SEPTIN9: variants seen among roughly 807,000 people sequenced by gnomAD.
The protein encoded by SEPTIN9 is septin-9.
A neutral mutation model predicts 56.6 loss-of-function variants in SEPTIN9; 13 were observed. That is an observed-to-expected ratio of 0.23 (90% CI 0.15 to 0.37). The LOEUF (loss-of-function observed/expected upper bound fraction) is 0.37. Ranked by LOEUF, SEPTIN9 falls within the 10% of genes least tolerant of loss-of-function variation. The pLI, the probability that SEPTIN9 is intolerant of heterozygous loss-of-function variation, is 1.00. For missense variants in SEPTIN9, 650 were observed against 823.1 expected (o/e 0.79, Z 2.57); for synonymous variants, 332 against 334.1 (o/e 0.99, Z 0.07).
At chr17:77,427,307 G>A (rs2036949707) in intron 3 of SEPTIN9, 1 of 152,312 alleles carries the variant, frequency 6.6e-6, no homozygotes. Context: ...GCTTCTGGGG[G>A]ACTAACCCAG....
Position 77,405,133 on chromosome 17 carries a change from G to C in SEPTIN9, c.721+2430G>C. On this transcript the variant is annotated intron_variant, in intron 3 of 11. Transcript: ENST00000427177. This position sits in a 1 kb window ranked among gnomAD's most constrained non-coding sequence, Gnocchi z 5.8. ...GCACAGGGACGTGGTCCTGGCTCTGGGGGACAGGTAGGGGGATGTCCATGG... is the reference window on the plus strand; with the variant it reads ...GCACAGGGACGTGGTCCTGGCTCTGCGGGACAGGTAGGGGGATGTCCATGG... 6.5e-7 allele frequency: 1 copy of C among 1,535,212 alleles called. No individual in the cohort carries two copies. The highest frequency in any genetic ancestry group is 8.7e-7 in the Non-Finnish European group (1 of 1,146,502).
At chr17:77,357,676 G>A (rs376444551) in intron 2 of SEPTIN9, among the ~76,000 whole-genome samples, 1 of 151,960 alleles carries the variant, frequency 6.6e-6, no homozygotes, top group South Asian at 2.1e-4. Context: ...GTGCGGTGGT[G>A]CAGTCATAGC....
intron 2 of SEPTIN9, among the ~76,000 whole-genome samples, chr17:77,314,159 G>A (rs2143627222): frequency 6.6e-6 from 1 of 151,332 alleles, no homozygotes; most frequent in Admixed American, 6.6e-5. Context: ...AAGGGAGTAA[G>A]GCCCTGTTTC....
intron 2 of SEPTIN9, among the ~76,000 whole-genome samples, chr17:77,355,886 G>T (rs2034217461): frequency 1.3e-5 from 2 of 150,904 alleles, no homozygotes; most frequent in Non-Finnish European, 2.9e-5. Context: ...GGAGGCTGAG[G>T]CAGGAGAATG....
chr17:77,356,248 A>T (rs1361012584), intron 2 of SEPTIN9, among the ~76,000 whole-genome samples: 1 of 152,122 alleles, frequency 6.6e-6, no homozygotes, highest in East Asian at 1.9e-4. Flanking sequence ...AGGCTTCCTA[A>T]GCAGCTCTGG....
At chr17:77,295,328 T>C (rs1222765520) in intron 1 of SEPTIN9, among the ~76,000 whole-genome samples, 1 of 151,688 alleles carries the variant, frequency 6.6e-6, no homozygotes, top group East Asian at 1.9e-4. Flanking sequence ...CACCCCTAGG[T>C]GGGGATGAGA....
chr17:77,287,077 T>C (rs2031313530), intron 1 of SEPTIN9, among the ~76,000 whole-genome samples: 1 of 152,218 alleles, frequency 6.6e-6, no homozygotes, highest in African/African-American at 2.4e-5. Flanking sequence ...CTCACTTTGC[T>C]GTGTGAAGTG....
chr17:77,295,609 C>T (rs890787808), intron 1 of SEPTIN9, among the ~76,000 whole-genome samples: 1 of 152,178 alleles, frequency 6.6e-6, no homozygotes, highest in East Asian at 1.9e-4. Context: ...GCGTTTCTCC[C>T]ACACAAAGGA....
rs2040313327 is a variant in SEPTIN9, at chr17:77,497,364, C to T, written c.1623C>T (p.Ile541=). The change falls in exon 11 of 12, where the codon ATC becomes ATT. Residue 541 remains isoleucine (I), a splice_region_variant and synonymous_variant. Coordinates refer to ENST00000427177, the MANE Select transcript of SEPTIN9 (RefSeq NM_001113491.2). ...CEFAYLRDLL[I]RTHMQNIKDI... ...TTGCCTACCTGCGGGACCTTCTCAT[C>T]AGGTGAGAGACAGGGTGCTTGGGTG... 1.2e-6 allele frequency: 2 copies of T among 1,613,526 alleles called. No homozygotes were observed. Among genetic ancestry groups the T allele is most frequent in the South Asian group, 1.1e-5 (1 of 90,984 alleles).
intron 4 of SEPTIN9, among the ~76,000 whole-genome samples, chr17:77,486,437 C>T (rs1353546463): frequency 6.6e-6 from 1 of 151,778 alleles, no homozygotes; most frequent in Admixed American, 6.6e-5. Context: ...GCTAGCGTAG[C>T]CCAAGGCAGC....
intron 2 of SEPTIN9, among the ~76,000 whole-genome samples, chr17:77,387,334 G>A (rs555877448): frequency 7.9e-5 from 12 of 152,292 alleles, no homozygotes; most frequent in Non-Finnish European, 1.5e-4. Context: ...TCTGTGTCTC[G>A]TAAGGATGCT....
At chr17:77,392,763 G>A (rs1036371403) in intron 2 of SEPTIN9, among the ~76,000 whole-genome samples, 9 of 152,164 alleles carry the variant, frequency 5.9e-5, no homozygotes, top group South Asian at 2.1e-4. Flanking sequence ...CGCCTCCTCC[G>A]CCTTGATGTG....
intron 3 of SEPTIN9, among the ~76,000 whole-genome samples, chr17:77,465,770 AGG>A (rs2038688874): frequency 1.3e-5 from 2 of 152,106 alleles, no homozygotes; most frequent in Non-Finnish European, 2.9e-5. Context: ...GTAGACTGGC[AGG>A]CCTGGGTGGG....
chr17:77,298,801 T>C (rs116114053), intron 1 of SEPTIN9, among the ~76,000 whole-genome samples: 148 of 152,342 alleles, frequency 9.7e-4, no homozygotes, highest in African/African-American at 3.4e-3. Flanking sequence ...AGGCTGACTT[T>C]ATTATTTTGT....
intron 2 of SEPTIN9, among the ~76,000 whole-genome samples, chr17:77,392,348 C>A (rs1327500274): frequency 1.3e-5 from 2 of 152,194 alleles, no homozygotes; most frequent in African/African-American, 4.8e-5. Flanking sequence ...TGTGGCTCTT[C>A]CCTGGGTGCT....
At chr17:77,303,879 G>A (rs1273962674) in intron 1 of SEPTIN9, among the ~76,000 whole-genome samples, 2 of 152,092 alleles carry the variant, frequency 1.3e-5, no homozygotes, top group Non-Finnish European at 2.9e-5. Context: ...AGGGCCTGGC[G>A]AGGTCTGCGT....
At chr17:77,495,482 T>A (rs926412838) in intron 10 of SEPTIN9, among the ~76,000 whole-genome samples, 1 of 152,200 alleles carries the variant, frequency 6.6e-6, no homozygotes, top group Non-Finnish European at 1.5e-5. Context: ...CCAAGTATTG[T>A]CAATAGAAAT....
At chr17:77,337,368 TATC>T (rs777001979) in intron 2 of SEPTIN9, among the ~76,000 whole-genome samples, 23 of 152,298 alleles carry the variant, frequency 1.5e-4, no homozygotes, top group Non-Finnish European at 3.1e-4. Context: ...GCTTATGAGA[TATC>T]ATCCTTTTTA....
At chr17:77,498,433 A>G in intron 11 of SEPTIN9, 90 bp from the exon 12 acceptor site, 5 of 702,182 alleles carry the variant, frequency 7.1e-6, no homozygotes, top group East Asian at 3.3e-5. Flanking sequence ...GGCGGGCCTG[A>G]GTCCGAGGCA....
Sources: gnomAD v4.1 joint callset for allele counts (sites outside exome capture counted in the v4.1 genomes callset) on GRCh38, gnomAD v4.1.1 for gene constraint, Gnocchi (gnomAD v3.1) non-coding constraint, MANE v1.5 for transcripts, NCBI Gene and HGNC (gene_info 2026-07-23, HGNC 2026-07-21) for gene names.